Variants in FUT8 observed in about 807,000 individuals in gnomAD.
The protein encoded by FUT8 is alpha-(1,6)-fucosyltransferase.
In FUT8, 29 loss-of-function variants were observed where a neutral mutation model predicts 71.3. That is an observed-to-expected ratio of 0.41 (90% CI 0.30 to 0.55). FUT8 has a LOEUF of 0.55. Among genes scored for constraint, FUT8 ranks in the 20% least tolerant of loss-of-function variants. The pLI is 0.34. For missense variants in FUT8, 544 were observed against 702.1 expected, an observed-to-expected ratio of 0.77 and a Z score of 2.55; for synonymous variants, 254 against 239.3, an observed-to-expected ratio of 1.06 and a Z score of -0.57.
intron 5 of FUT8, among the ~76,000 whole-genome samples, chr14:65,628,070 A>G (rs753454678): frequency 3.9e-4 from 59 of 152,282 alleles, no homozygotes; most frequent in Admixed American, 5.9e-4. Context: ...AGATGGTGAC[A>G]TTAGAGCAAA....
At chr14:65,633,040 C>G (rs961336853) in intron 6 of FUT8, among the ~76,000 whole-genome samples, 3 of 148,066 alleles carry the variant, frequency 2.0e-5, no homozygotes, top group East Asian at 2.1e-4. Flanking sequence ...CCCTCTCCCT[C>G]TCTTTCCACG....
chr14:65,564,064 G>C (rs1029365441), intron 3 of FUT8, among the ~76,000 whole-genome samples: 3 of 151,946 alleles, frequency 2.0e-5, no homozygotes, highest in Admixed American at 1.3e-4. Context: ...TGACTTTACT[G>C]CTGGGGCCAT....
the FUT8 span, among the ~76,000 whole-genome samples, chr14:65,382,510 A>T: frequency 2.0e-5 from 3 of 151,912 alleles, no homozygotes; most frequent in African/African-American, 4.8e-5. Context: ...TAATTTTTTA[A>T]AATGTTTTTA....
upstream of FUT8, chr14:65,412,264 C>A (rs2065139741): frequency 2.2e-6 from 1 of 456,032 alleles, no homozygotes; most frequent in East Asian, 6.9e-5. Flanking sequence ...CAAATGCGGG[C>A]TGCAGGGGCT....
intron 7 of FUT8, among the ~76,000 whole-genome samples, chr14:65,700,723 G>A (rs181936865): frequency 1.3e-5 from 2 of 152,238 alleles, no homozygotes; most frequent in East Asian, 1.9e-4. Flanking sequence ...CAATGAAAGG[G>A]TCCTAGTTCT....
At chr14:65,633,037 C>T (rs1566864449) in intron 6 of FUT8, among the ~76,000 whole-genome samples, 1 of 149,600 alleles carries the variant, frequency 6.7e-6, no homozygotes, top group Non-Finnish European at 1.5e-5. Context: ...TCTCCCTCTC[C>T]CTCTCTTTCC....
At chr14:65,735,055 A>G (rs534338391) in intron 10 of FUT8, among the ~76,000 whole-genome samples, 12 of 152,296 alleles carry the variant, frequency 7.9e-5, no homozygotes, top group African/African-American at 2.6e-4. Flanking sequence ...ACAAGATTCT[A>G]AAGTTAAATA....
intron 3 of FUT8, among the ~76,000 whole-genome samples, chr14:65,583,249 A>G (rs933478316): frequency 1.3e-5 from 2 of 152,008 alleles, no homozygotes; most frequent in Admixed American, 1.3e-4. Flanking sequence ...AATCACTAGC[A>G]TGCTCACTGC....
chr14:65,712,359 C>CT (rs2139317087), intron 7 of FUT8, among the ~76,000 whole-genome samples: 1 of 152,290 alleles, frequency 6.6e-6, no homozygotes, highest in East Asian at 1.9e-4. Context: ...AGCATCTAGT[C>CT]TCTGAACTTT....
At chr14:65,675,359 A>G (rs535823335) in intron 7 of FUT8, among the ~76,000 whole-genome samples, 3 of 152,296 alleles carry the variant, frequency 2.0e-5, no homozygotes, top group Admixed American at 6.5e-5. Flanking sequence ...AACATGGTAC[A>G]TTTTCTTGGA....
intron 2 of FUT8, among the ~76,000 whole-genome samples, chr14:65,481,894 C>T (rs890512542): frequency 2.6e-5 from 4 of 152,064 alleles, no homozygotes; most frequent in Admixed American, 1.3e-4. Context: ...ATACGTGCTT[C>T]GCAGATGTAT....
At position 65,504,490 on chromosome 14, in the gene FUT8, A is replaced by G. The variant is rs1320264732; in HGVS notation, c.-228+48772A>G. ...GATTCAAGCAATAATACCTGTCTTC[A>G]TAATTGTCATGTGGTTTTGTCAGCT... On this transcript the variant is annotated intron_variant, in intron 2 of 10. Coordinates refer to ENST00000673929, the MANE Select transcript of FUT8 (RefSeq NM_001371533.1). Among the ~76,000 whole-genome samples, 4 of 152,346 alleles carry G rather than the reference A, an allele frequency of 2.6e-5. No homozygotes were observed. The South Asian group carries it at 8.3e-4, about 32-fold the overall frequency.
At chr14:65,508,223 A>G (rs906400353) in intron 2 of FUT8, among the ~76,000 whole-genome samples, 5 of 151,730 alleles carry the variant, frequency 3.3e-5, no homozygotes, top group African/African-American at 1.2e-4. Flanking sequence ...ACACACCGCT[A>G]TGCCTGGCTA....
upstream of FUT8, among the ~76,000 whole-genome samples, chr14:65,407,475 T>TA (rs1175843578): frequency 6.6e-6 from 1 of 152,090 alleles, no homozygotes; most frequent in Non-Finnish European, 1.5e-5. Flanking sequence ...CCAATATATT[T>TA]AAAAAAATAG....
Position 65,439,966 on chromosome 14 carries a change from A to ACG in FUT8, c.-325-15655_-325-15654insCG, listed in dbSNP as rs1566748206. Among the ~76,000 whole-genome samples the ACG allele has an allele frequency of 2.4e-3, 304 of 129,026 alleles. 23 individuals carry two copies. Among genetic ancestry groups the ACG allele is most frequent in the East Asian group, 0.02 (83 of 4,246 alleles). The allele number at this position is 129,026 out of a possible 152,430, so 84.6% of individuals were successfully genotyped here. A position where few individuals can be genotyped will look rare whatever the true frequency, so the allele number is the denominator to read the frequency against. ...TGTGTGTGTGTGTGTATATATATAT[A>ACG]TATATATATATATATATATATATAT... On this transcript the variant is annotated intron_variant, in intron 1 of 10. Coordinates refer to ENST00000673929, the MANE Select transcript of FUT8 (RefSeq NM_001371533.1).
chr14:65,632,286 T>A, intron 6 of FUT8, among the ~76,000 whole-genome samples: 1 of 152,234 alleles, frequency 6.6e-6, no homozygotes, highest in Non-Finnish European at 1.5e-5. Flanking sequence ...CTTTTAGTTC[T>A]TTAAGAATCT....
rs2065157455 is a variant in FUT8, at chr14:65,412,878, C to G, written c.-662C>G. The G allele has an allele frequency of 6.3e-6, 1 of 158,170 alleles. No homozygotes were observed. The highest frequency in any genetic ancestry group is 1.4e-5 in the Non-Finnish European group (1 of 72,334). The allele number at this position is 158,170 out of a possible 1,614,324, so 9.8% of individuals were successfully genotyped here. A position where few individuals can be genotyped will look rare whatever the true frequency, so the allele number is the denominator to read the frequency against. ...CCCCTCCCCATCCCACCCCCGCCGC[C>G]TGGCCCCAGCCGACCCGTCCCTTCG... On this transcript the variant is annotated 5_prime_UTR_variant, in exon 1 of 11. Coordinates refer to ENST00000673929, the MANE Select transcript of FUT8 (RefSeq NM_001371533.1).
intron 7 of FUT8, among the ~76,000 whole-genome samples, chr14:65,693,959 A>G (rs1039526894): frequency 2.1e-4 from 32 of 152,198 alleles, no homozygotes; most frequent in African/African-American, 7.7e-4. Flanking sequence ...CATGTTAGCT[A>G]TCAAATTTGT....
At chr14:65,427,138 A>T (rs2065401833) in intron 1 of FUT8, among the ~76,000 whole-genome samples, 1 of 152,170 alleles carries the variant, frequency 6.6e-6, no homozygotes, top group Non-Finnish European at 1.5e-5. Context: ...CTGGGATTAC[A>T]GGCGTGAACC....
Sources: allele counts gnomAD v4.1 joint callset (sites outside exome capture counted in the v4.1 genomes callset), GRCh38; gene constraint gnomAD v4.1.1; transcripts MANE v1.5; gene names NCBI Gene and HGNC (gene_info 2026-07-23, HGNC 2026-07-21).